CNTLN: variants seen among roughly 807,000 people sequenced by gnomAD.
CNTLN encodes the protein centlein.
A neutral mutation model predicts 180.0 loss-of-function variants in CNTLN; 212 were observed. That is an observed-to-expected ratio of 1.18 (90% CI 1.05 to 1.32). The LOEUF is 1.32. Ranked by LOEUF, CNTLN falls within the 40% of genes most tolerant of loss-of-function variation. The pLI, the probability that CNTLN is intolerant of heterozygous loss-of-function variation, is 0.00. For missense variants in CNTLN, 2,095 were observed against 1,610.9 expected (o/e 1.30, Z -5.14); for synonymous variants, 722 against 563.1 (o/e 1.28, Z -3.99).
intron 25 of CNTLN, among the ~76,000 whole-genome samples, chr9:17,502,325 GC>G (rs1833793313): frequency 6.6e-6 from 1 of 152,062 alleles, no homozygotes; most frequent in Admixed American, 6.6e-5. Context: ...GTTCAATAAG[GC>G]GTTTATCTTT....
intron 19 of CNTLN, among the ~76,000 whole-genome samples, chr9:17,460,413 C>G (rs1312258836): frequency 6.6e-6 from 1 of 151,604 alleles, no homozygotes; most frequent in Non-Finnish European, 1.5e-5. Flanking sequence ...AAGGAAATTA[C>G]CAGATTTTAA....
chr9:17,523,956 C>G, the CNTLN span, among the ~76,000 whole-genome samples: 1 of 152,226 alleles, frequency 6.6e-6, no homozygotes, highest in Non-Finnish European at 1.5e-5. Context: ...GCAGTTTTCA[C>G]TAATAAATCT....
In CNTLN at chr9:17,202,326, G is replaced by A. The variant is rs1008842719; in HGVS notation, c.450-23877G>A. ...GTATATTCTGTTGATTTGGGGTGGA[G>A]GGTTCTGTAGATGTCTGTTAGTTCC... On this transcript the variant is annotated intron_variant, in intron 2 of 25. Coordinates refer to ENST00000380647, the MANE Select transcript of CNTLN (RefSeq NM_017738.4). Among the ~76,000 whole-genome samples the A allele has an allele frequency of 9.2e-5, 14 of 152,288 alleles. No individual in the cohort carries two copies. In the East Asian group the frequency reaches 1.4e-3, roughly 15 times the overall value.
At chr9:17,422,380 A>G (rs1828782463) in intron 18 of CNTLN, among the ~76,000 whole-genome samples, 1 of 151,798 alleles carries the variant, frequency 6.6e-6, no homozygotes, top group Non-Finnish European at 1.5e-5. Context: ...TAAATCTCTT[A>G]TTTGGTTTAA....
intron 25 of CNTLN, 156 bp downstream of exon 25, chr9:17,487,222 CTATT>C (rs1443531606): frequency 1.6e-6 from 1 of 637,612 alleles, no homozygotes; most frequent in South Asian, 1.8e-5. Flanking sequence ...AGTTAACCCT[CTATT>C]TGTACTTTGG....
intron 13 of CNTLN, among the ~76,000 whole-genome samples, chr9:17,372,803 G>A (rs1304264229): frequency 1.3e-5 from 2 of 152,050 alleles, no homozygotes; most frequent in Non-Finnish European, 2.9e-5. Context: ...TTTATCCAAG[G>A]GTTGCAAGGA....
At chr9:17,442,200 C>G (rs934427301) in intron 18 of CNTLN, among the ~76,000 whole-genome samples, 1 of 152,048 alleles carries the variant, frequency 6.6e-6, no homozygotes, top group East Asian at 1.9e-4. Flanking sequence ...ATACTCTACC[C>G]AACAACAGCA....
chr9:17,383,655 T>G (rs1466744540), intron 13 of CNTLN, among the ~76,000 whole-genome samples: 2 of 152,044 alleles, frequency 1.3e-5, no homozygotes, highest in Non-Finnish European at 2.9e-5. Context: ...TTTTTTTTTT[T>G]GAGATGGAGC....
chr9:17,274,818 G>A (rs610175), intron 6 of CNTLN, among the ~76,000 whole-genome samples: 26,909 of 151,908 alleles, frequency 0.18, 2,703 homozygotes, highest in South Asian at 0.28. Context: ...TGTTTATGAC[G>A]TAGTTTTTAT....
At chr9:17,267,389 A>G (rs182342355) in intron 5 of CNTLN, among the ~76,000 whole-genome samples, 1 of 152,056 alleles carries the variant, frequency 6.6e-6, no homozygotes, top group Admixed American at 6.6e-5. Flanking sequence ...TGGCTTGTAG[A>G]GTTTCTGCCG....
intron 5 of CNTLN, among the ~76,000 whole-genome samples, chr9:17,241,739 G>C (rs992483278): frequency 6.6e-6 from 1 of 151,588 alleles, no homozygotes; most frequent in African/African-American, 2.4e-5. Context: ...TCTCATCAAT[G>C]TTTTATAGTT....
intron 23 of CNTLN, among the ~76,000 whole-genome samples, chr9:17,476,567 A>G (rs1257657143): frequency 6.6e-6 from 1 of 152,226 alleles, no homozygotes; most frequent in East Asian, 1.9e-4. Flanking sequence ...TACACAAATG[A>G]TAAGAAAGTG....
rs748446650 is a variant in CNTLN, at chr9:17,298,329, G to A, written c.1123G>A (p.Ala375Thr). Residue 375 changes from alanine to threonine, a missense_variant, in exon 7 of 26, where the codon GCT (alanine) becomes ACT (threonine). Coordinates refer to ENST00000380647, the MANE Select transcript of CNTLN (RefSeq NM_017738.4). ...VLRNQEDVHT[A>T]ESISYQKLYN... The stretch of plus-strand genomic sequence containing the variant: ...GAGAAATCAGGAAGATGTTCACACA[G>A]CTGAAAGTATATCATATCAAAAAGT... 1 of 1,611,822 alleles carries A rather than the reference G, an allele frequency of 6.2e-7. No homozygotes were observed. Among genetic ancestry groups the A allele is most frequent in the Non-Finnish European group, 8.5e-7 (1 of 1,179,288 alleles).
intron 24 of CNTLN, 27 bp from the exon 25 acceptor site, chr9:17,486,962 A>G (rs1832920057): frequency 1.6e-6 from 2 of 1,258,738 alleles, no homozygotes; most frequent in Non-Finnish European, 2.3e-6. Flanking sequence ...TTTCGTTAAC[A>G]CCAGTGTTTT....
At chr9:17,371,448 G>T (rs553814271) in intron 13 of CNTLN, among the ~76,000 whole-genome samples, 1 of 152,082 alleles carries the variant, frequency 6.6e-6, no homozygotes, top group Non-Finnish European at 1.5e-5. Flanking sequence ...CACCCAACAC[G>T]CTAGTACCCA....
chr9:17,497,318 G>T (rs1833510358), intron 25 of CNTLN, among the ~76,000 whole-genome samples: 2 of 152,152 alleles, frequency 1.3e-5, no homozygotes, highest in Admixed American at 1.3e-4. Context: ...GTGTCACACA[G>T]GAACCAGACA....
chr9:17,252,160 C>T (rs1826183812), intron 5 of CNTLN, among the ~76,000 whole-genome samples: 3 of 151,732 alleles, frequency 2.0e-5, no homozygotes, highest in Admixed American at 1.3e-4. Context: ...AGGTTGATGC[C>T]ATATCTTTGC....
chr9:17,337,741 C>G (rs902815082), intron 10 of CNTLN, among the ~76,000 whole-genome samples: 2 of 152,120 alleles, frequency 1.3e-5, no homozygotes, highest in African/African-American at 4.8e-5. Context: ...AAATCCTTAA[C>G]ATAGTGTCAA....
chr9:17,340,435 A>G (rs1587706346), intron 10 of CNTLN, among the ~76,000 whole-genome samples: 1 of 152,340 alleles, frequency 6.6e-6, no homozygotes, highest in East Asian at 1.9e-4. Flanking sequence ...TAATGTTCTT[A>G]TACTAATTAT....
Sources: gnomAD v4.1 joint callset for allele counts (sites outside exome capture counted in the v4.1 genomes callset) on GRCh38, gnomAD v4.1.1 for gene constraint, MANE v1.5 for transcripts, NCBI Gene and HGNC (gene_info 2026-07-23, HGNC 2026-07-21) for gene names.